MPPED2: variants seen among roughly 807,000 people sequenced by gnomAD.
MPPED2 encodes metallophosphoesterase MPPED2.
Under a neutral mutation model 33.0 loss-of-function variants are expected in MPPED2, and 5 were observed. That is an observed-to-expected ratio of 0.15 (90% CI 0.08 to 0.32). MPPED2 has a LOEUF of 0.32. MPPED2 is among the 10% of genes least tolerant of loss of function. The pLI is 1.00. For missense variants in MPPED2, 275 were observed against 372.1 expected, an observed-to-expected ratio of 0.74 and a Z score of 2.15; for synonymous variants, 136 against 141.9, an observed-to-expected ratio of 0.96 and a Z score of 0.29.
intron 3 of MPPED2, among the ~76,000 whole-genome samples, chr11:30,506,835 A>T (rs181951493): frequency 3.9e-4 from 60 of 152,366 alleles, no homozygotes; most frequent in African/African-American, 1.4e-3. Context: ...ACATTTGGGC[A>T]GATGATGCAG....
rs1447019033 is a variant in MPPED2, at chr11:30,437,374, GAGAC to G, written c.537-19745_537-19742del. Among the ~76,000 whole-genome samples the G allele has an allele frequency of 2.6e-5, 4 of 152,192 alleles. No homozygotes were observed. The East Asian group carries it at 7.7e-4, about 29-fold the overall frequency. On this transcript the variant is annotated intron_variant, in intron 4 of 6. Coordinates refer to ENST00000358117, the MANE Select transcript of MPPED2 (RefSeq NM_001584.3). ...AACTAGAAGCTGAAAAAGGGACTGG[GAGAC>G]AGATTTCCTTGTGTTGTCATTGACT...
At chr11:30,543,911 A>G (rs113307857) in intron 2 of MPPED2, among the ~76,000 whole-genome samples, 1 of 152,034 alleles carries the variant, frequency 6.6e-6, no homozygotes, top group African/African-American at 2.4e-5. Context: ...CCAGATGTAT[A>G]AAGATATTCA....
intron 4 of MPPED2, among the ~76,000 whole-genome samples, chr11:30,468,240 ACACACACACACACACACT>A (rs1212869155): frequency 2.0e-5 from 2 of 102,560 alleles, no homozygotes; most frequent in African/African-American, 7.0e-5. Flanking sequence ...ACACACACAC[ACACACACACACACACACT>A]CTCTCTCTCT....
chr11:30,585,281 G>T (rs1276336415), intron 1 of MPPED2, among the ~76,000 whole-genome samples: 4 of 152,130 alleles, frequency 2.6e-5, no homozygotes. Context: ...GGGTCGCCGG[G>T]TCGCTCCGCA....
chr11:30,557,594 GA>G (rs1956037643), intron 2 of MPPED2, among the ~76,000 whole-genome samples: 1 of 152,016 alleles, frequency 6.6e-6, no homozygotes, highest in South Asian at 2.1e-4. Context: ...TTCTTTTAAG[GA>G]AAGGCTACTG....
chr11:30,403,554 T>C (rs1680781592), intron 6 of MPPED2, among the ~76,000 whole-genome samples: 1 of 152,220 alleles, frequency 6.6e-6, no homozygotes, highest in African/African-American at 2.4e-5. Flanking sequence ...AATATAGTAT[T>C]TCAAACCTCA....
chr11:30,479,997 G>A (rs114410202), intron 4 of MPPED2, among the ~76,000 whole-genome samples: 1 of 152,264 alleles, frequency 6.6e-6, no homozygotes, highest in African/African-American at 2.4e-5. Context: ...ATTCTGATAA[G>A]ATATGCACCA....
chr11:30,386,344 TG>T (rs1382056801), exon 7 of MPPED2: 11 of 167,506 alleles, frequency 6.6e-5, no homozygotes, highest in Non-Finnish European at 1.1e-4. Flanking sequence ...AAGAATGGTT[TG>T]GGGGGCCACA....
chr11:30,580,516 T>A, intron 1 of MPPED2, 22 bp from the exon 2 acceptor site: 1 of 1,414,862 alleles, frequency 7.1e-7, no homozygotes, highest in Non-Finnish European at 9.3e-7. Context: ...AAAAAATGTA[T>A]ATAAAATGAG....
chr11:30,524,211 C>T (rs1286625153), intron 3 of MPPED2, among the ~76,000 whole-genome samples: 1 of 152,000 alleles, frequency 6.6e-6, no homozygotes, highest in African/African-American at 2.4e-5. Flanking sequence ...TGAGATAGCG[C>T]CATTGCACTC....
chr11:30,553,851 A>G (rs192970880), intron 2 of MPPED2, among the ~76,000 whole-genome samples: 2 of 152,314 alleles, frequency 1.3e-5, no homozygotes, highest in Admixed American at 1.3e-4. Flanking sequence ...TATTGTCAAC[A>G]AGAAGAAAAG....
chr11:30,507,357 C>T (rs1952889004), intron 3 of MPPED2, among the ~76,000 whole-genome samples: 1 of 152,214 alleles, frequency 6.6e-6, no homozygotes. Flanking sequence ...ATAATCTAAT[C>T]CACTCTACAG....
At chr11:30,570,467 G>T (rs530977391) in intron 2 of MPPED2, among the ~76,000 whole-genome samples, 3 of 152,076 alleles carry the variant, frequency 2.0e-5, no homozygotes, top group East Asian at 3.9e-4. Flanking sequence ...CTTAAACATA[G>T]AATGTATTAA....
At chr11:30,407,921 A>T (rs1358898298), downstream of MPPED2, among the ~76,000 whole-genome samples, 2 of 151,988 alleles carry the variant, frequency 1.3e-5, no homozygotes, top group Non-Finnish European at 2.9e-5. Flanking sequence ...AATTAAATAT[A>T]TTTTTTTAAA....
intron 4 of MPPED2, among the ~76,000 whole-genome samples, chr11:30,435,126 G>A (rs1272130445): frequency 6.6e-6 from 1 of 152,198 alleles, no homozygotes; most frequent in African/African-American, 2.4e-5. Flanking sequence ...TGCTTTCTGA[G>A]TTATTAGTTC....
At chr11:30,475,148 G>A (rs1485223504) in intron 4 of MPPED2, among the ~76,000 whole-genome samples, 5 of 152,054 alleles carry the variant, frequency 3.3e-5, no homozygotes, top group African/African-American at 9.7e-5. Flanking sequence ...TCCCACTACA[G>A]AAGTGACTGA....
intron 2 of MPPED2, among the ~76,000 whole-genome samples, chr11:30,559,881 T>C (rs1188196633): frequency 6.6e-6 from 1 of 152,038 alleles, no homozygotes; most frequent in Non-Finnish European, 1.5e-5. Flanking sequence ...GTCTTCACAT[T>C]ATGCCCTATT....
At chr11:30,427,477 T>A (rs944211505) in intron 4 of MPPED2, among the ~76,000 whole-genome samples, 1 of 152,170 alleles carries the variant, frequency 6.6e-6, no homozygotes, top group Non-Finnish European at 1.5e-5. Flanking sequence ...AGGGGACAAT[T>A]GATAAGTGGA....
At chr11:30,570,052 A>G (rs1358016505) in intron 2 of MPPED2, among the ~76,000 whole-genome samples, 4 of 152,058 alleles carry the variant, frequency 2.6e-5, no homozygotes, top group Non-Finnish European at 2.9e-5. Flanking sequence ...TATAAAATTC[A>G]TCTTCCCATT....
Sources: allele counts gnomAD v4.1 joint callset (sites outside exome capture counted in the v4.1 genomes callset), GRCh38; gene constraint gnomAD v4.1.1; transcripts MANE v1.5; gene names NCBI Gene and HGNC (gene_info 2026-07-23, HGNC 2026-07-21).